The following PCDH7 variants were observed in gnomAD, a reference collection of about 807,000 sequenced individuals.
The protein encoded by PCDH7 is protocadherin-7.
A neutral mutation model predicts 58.9 loss-of-function variants in PCDH7; 17 were observed. The observed-to-expected ratio is 0.29, with a 90% CI of 0.20 to 0.43. PCDH7 has a LOEUF of 0.43. Among genes scored for constraint, PCDH7 ranks in the 20% least tolerant of loss-of-function variants. The pLI is 1.00. For synonymous variants in PCDH7, 664 were observed against 616.4 expected, an observed-to-expected ratio of 1.08 and a Z score of -1.14; for missense variants, 1,274 against 1,441.0, an observed-to-expected ratio of 0.88 and a Z score of 1.88.
intron 3 of PCDH7, among the ~76,000 whole-genome samples, chr4:30,971,845 G>T (rs28570657): frequency 6.6e-6 from 1 of 152,136 alleles, no homozygotes; most frequent in African/African-American, 2.4e-5. Flanking sequence ...GCCTGTGGGG[G>T]CAACAACTCA....
At chr4:31,041,797 ATT>A (rs1235551002) in intron 3 of PCDH7, among the ~76,000 whole-genome samples, 1 of 150,318 alleles carries the variant, frequency 6.7e-6, no homozygotes, top group Non-Finnish European at 1.5e-5. Context: ...GGCTTGGGCT[ATT>A]TTTTAAAAAA....
intron 3 of PCDH7, among the ~76,000 whole-genome samples, chr4:31,028,591 G>A (rs1055017730): frequency 6.6e-6 from 1 of 151,518 alleles, no homozygotes; most frequent in African/African-American, 2.4e-5. Context: ...CTTGAGACCA[G>A]GAGTTATGGC....
rs75929203 is a variant in PCDH7, at chr4:31,131,075, G to T, written c.*8-11398G>T. 3.1e-3 allele frequency among the ~76,000 whole-genome samples: 465 copies of T among 152,212 alleles called. 2 individuals carry two copies. Among genetic ancestry groups the T allele is most frequent in the African/African-American group, 0.011 (447 of 41,538 alleles). ...CAAGAGAGGTTGTAAGAGTGAATGC[G>T]CAGAGCAGCTCCTGCCCCAACACAG... On this transcript the variant is annotated intron_variant, in intron 3 of 3. Coordinates refer to the PCDH7 transcript ENST00000509759.
At chr4:30,762,990 AC>A (rs1336964949) in intron 1 of PCDH7, among the ~76,000 whole-genome samples, 1 of 152,116 alleles carries the variant, frequency 6.6e-6, no homozygotes, top group Non-Finnish European at 1.5e-5. Context: ...TGCCTGCAAT[AC>A]CAGCACTTTG....
At chr4:31,126,887 T>C (rs954841176) in intron 3 of PCDH7, among the ~76,000 whole-genome samples, 1 of 152,194 alleles carries the variant, frequency 6.6e-6, no homozygotes, top group Admixed American at 6.5e-5. Context: ...ATTTGAATTG[T>C]ACAAGACACT....
chr4:30,867,778 C>A (rs908289687), intron 1 of PCDH7, among the ~76,000 whole-genome samples: 3 of 152,026 alleles, frequency 2.0e-5, no homozygotes, highest in Non-Finnish European at 2.9e-5. Context: ...GGGAAAATAG[C>A]ATTCATTTTT....
chr4:31,001,151 C>T (rs1008096621), intron 3 of PCDH7, among the ~76,000 whole-genome samples: 5 of 151,580 alleles, frequency 3.3e-5, no homozygotes, highest in Admixed American at 3.3e-4. Context: ...CAAAAACCTG[C>T]GGACAAAAAA....
At chr4:30,855,659 T>C (rs913126702) in intron 1 of PCDH7, among the ~76,000 whole-genome samples, 6 of 152,186 alleles carry the variant, frequency 3.9e-5, no homozygotes, top group Non-Finnish European at 8.8e-5. Flanking sequence ...GATCTTTTGC[T>C]CTGTAGCATG....
intron 1 of PCDH7, among the ~76,000 whole-genome samples, chr4:30,895,614 G>A (rs1364368510): frequency 1.3e-5 from 2 of 152,044 alleles, no homozygotes; most frequent in East Asian, 3.9e-4. Context: ...GTAAAAGTTA[G>A]AGCAGGACAT....
chr4:30,838,388 T>G (rs1307155907), intron 1 of PCDH7, among the ~76,000 whole-genome samples: 17 of 152,168 alleles, frequency 1.1e-4, no homozygotes, highest in Admixed American at 1.1e-3. Context: ...GTACTTAAAT[T>G]AGGCCTTTTC....
chr4:30,972,094 T>G (rs563813202), intron 3 of PCDH7, among the ~76,000 whole-genome samples: 2 of 152,364 alleles, frequency 1.3e-5, no homozygotes, highest in Admixed American at 6.5e-5. Flanking sequence ...TGTGTGATAT[T>G]AAATGGCAGT....
intron 1 of PCDH7, among the ~76,000 whole-genome samples, chr4:30,885,975 G>A (rs1256180336): frequency 3.3e-5 from 5 of 151,768 alleles, no homozygotes; most frequent in Non-Finnish European, 7.4e-5. Context: ...ATCAATTCAA[G>A]ATGGATTAAA....
rs531212561 is a variant in PCDH7 at position 30,863,751 on chromosome 4, A to C, written c.71-56402A>C. ...TTGTATTGAAGTTTGGCACACACAA[A>C]AATTTCATCCACACAAAAAATTCTG... On this transcript the variant is annotated intron_variant, in intron 1 of 3. Coordinates refer to the PCDH7 transcript ENST00000509759. 5.9e-5 allele frequency among the ~76,000 whole-genome samples: 9 copies of C among 152,222 alleles called. No homozygotes were observed. In the South Asian group the frequency reaches 1.9e-3, roughly 32 times the overall value.
intron 1 of PCDH7, among the ~76,000 whole-genome samples, chr4:30,728,091 T>A (rs895465599): frequency 6.6e-5 from 10 of 151,814 alleles, no homozygotes; most frequent in Non-Finnish European, 1.5e-5. Context: ...TTTGTCTTCA[T>A]AATGTTCTCT....
intron 1 of PCDH7, among the ~76,000 whole-genome samples, chr4:30,887,053 C>T (rs1407893204): frequency 2.0e-5 from 3 of 150,132 alleles, no homozygotes; most frequent in African/African-American, 4.9e-5. Context: ...GTGGGTGCAG[C>T]GCACCAGCAT....
chr4:31,049,759 A>AT (rs1756589326), intron 3 of PCDH7, among the ~76,000 whole-genome samples: 1 of 152,076 alleles, frequency 6.6e-6, no homozygotes, highest in Non-Finnish European at 1.5e-5. Context: ...ATTAAAATAT[A>AT]GTACCTGATA....
chr4:30,850,570 G>A (rs1732599348), intron 1 of PCDH7, among the ~76,000 whole-genome samples: 1 of 152,006 alleles, frequency 6.6e-6, no homozygotes, highest in Admixed American at 6.6e-5. Context: ...TGGTTTTGTT[G>A]CTGATATTTC....
Position 30,994,510 on chromosome 4 carries a change from G to T in PCDH7, c.*7+44295G>T, listed in dbSNP as rs1178620186. 2.0e-5 allele frequency among the ~76,000 whole-genome samples: 3 copies of T among 152,246 alleles called. No individual in the cohort carries two copies. The East Asian group carries it at 5.8e-4, about 29-fold the overall frequency. On this transcript the variant is annotated intron_variant, in intron 3 of 3. Coordinates refer to the PCDH7 transcript ENST00000509759. ...GCAGAAACTCAAATTTGAAAAGATA[G>T]GTGATAAAAACCAAGTTTGCATAGA...
At chr4:31,069,273 A>G (rs1453568791) in intron 3 of PCDH7, among the ~76,000 whole-genome samples, 3 of 152,046 alleles carry the variant, frequency 2.0e-5, no homozygotes, top group Non-Finnish European at 2.9e-5. Context: ...ACACTAATGC[A>G]TGGAGAAACT....
Sources: gnomAD v4.1 joint callset for allele counts (sites outside exome capture counted in the v4.1 genomes callset) on GRCh38, gnomAD v4.1.1 for gene constraint, MANE v1.5 for transcripts, NCBI Gene and HGNC (gene_info 2026-07-23, HGNC 2026-07-21) for gene names.